The following SH3BP4 variants were observed in gnomAD, a reference collection of about 807,000 sequenced individuals.
SH3BP4 encodes SH3 domain binding protein 4, also known as SH3 domain-binding protein 4.
SH3BP4 carries 33 observed loss-of-function variants against 65.5 expected under a neutral mutation model. That is an observed-to-expected ratio of 0.50 (90% CI 0.38 to 0.67). The LOEUF (loss-of-function observed/expected upper bound fraction) is 0.67, where lower values mean the gene tolerates loss of function less well. Ranked by LOEUF, SH3BP4 falls within the 30% of genes least tolerant of loss-of-function variation. SH3BP4 has a pLI of 0.00. For missense variants in SH3BP4, 1,134 were observed against 1,261.4 expected (o/e 0.90, Z 1.53); for synonymous variants, 552 against 545.5 (o/e 1.01, Z -0.17).
At chr2:234,972,135 T>TG (rs1693020428) in intron 1 of SH3BP4, among the ~76,000 whole-genome samples, 1 of 131,836 alleles carries the variant, frequency 7.6e-6, no homozygotes, top group Non-Finnish European at 1.5e-5. Flanking sequence ...TTGTTTTTTG[T>TG]TTTTTTTTTG....
At chr2:235,027,287 C>T in intron 2 of SH3BP4, among the ~76,000 whole-genome samples, 1 of 152,206 alleles carries the variant, frequency 6.6e-6, no homozygotes, top group Admixed American at 6.5e-5. Context: ...GGTGTTAACC[C>T]CGTGGTCTCC....
chr2:234,964,813 C>A (rs955189984), intron 1 of SH3BP4, among the ~76,000 whole-genome samples: 1 of 152,104 alleles, frequency 6.6e-6, no homozygotes, highest in African/African-American at 2.4e-5. Flanking sequence ...CAAGAAGACG[C>A]GATTAGACGT....
intron 2 of SH3BP4, among the ~76,000 whole-genome samples, chr2:235,031,323 T>G (rs1051767828): frequency 6.6e-6 from 1 of 152,054 alleles, no homozygotes; most frequent in Non-Finnish European, 1.5e-5. Flanking sequence ...TTCAGGGGAG[T>G]GGCCATACCC....
Position 234,974,173 on chromosome 2 carries a change from C to T in SH3BP4, c.-206-21130C>T, listed in dbSNP as rs544562338. ...CTGAGGTCAGGAGTTCGAGACCAGC[C>T]TGGCCAACGTGGTGAAGCCCCATCT... On this transcript the variant is annotated intron_variant, in intron 1 of 5. Coordinates refer to ENST00000392011, the MANE Select transcript of SH3BP4 (RefSeq NM_014521.3). The surrounding 1 kb of genome is among the most constrained non-coding windows in gnomAD (Gnocchi z 4.6). Among the ~76,000 whole-genome samples the T allele has an allele frequency of 2.6e-5, 4 of 152,156 alleles. 1 individual carries two copies. Among genetic ancestry groups the T allele is most frequent in the Admixed American group, 1.3e-4 (2 of 15,296 alleles).
At chr2:234,957,933 A>T (rs1007643893) in intron 1 of SH3BP4, among the ~76,000 whole-genome samples, 8 of 152,128 alleles carry the variant, frequency 5.3e-5, no homozygotes, top group Admixed American at 2.6e-4. Context: ...GGCGGAGCCC[A>T]TCTTCCCCCC....
intron 1 of SH3BP4, among the ~76,000 whole-genome samples, chr2:234,960,084 T>C (rs1692672234): frequency 6.6e-6 from 1 of 152,266 alleles, no homozygotes; most frequent in East Asian, 1.9e-4. Flanking sequence ...TATTTGTATG[T>C]GTCCTGTGCA....
intron 2 of SH3BP4, among the ~76,000 whole-genome samples, chr2:235,004,710 A>G (rs1057078741): frequency 6.6e-6 from 1 of 152,140 alleles, no homozygotes. Context: ...TCAAAATCCC[A>G]TTCCTTTTTA....
chr2:235,017,165 G>A (rs780926454), intron 2 of SH3BP4, among the ~76,000 whole-genome samples: 31 of 144,324 alleles, frequency 2.1e-4, no homozygotes, highest in Admixed American at 8.9e-4. Context: ...CACATTTCTC[G>A]TATTTTAAAA....
chr2:235,029,218 C>T (rs532376759), intron 2 of SH3BP4, among the ~76,000 whole-genome samples: 2 of 152,122 alleles, frequency 1.3e-5, no homozygotes, highest in East Asian at 1.9e-4. Flanking sequence ...GAGAGAGGGA[C>T]GGGGCAGGGA....
chr2:234,963,187 T>C (rs1247105768), intron 1 of SH3BP4, among the ~76,000 whole-genome samples: 2 of 152,232 alleles, frequency 1.3e-5, no homozygotes, highest in Non-Finnish European at 2.9e-5. Context: ...TTAATAAGTG[T>C]TTGTGAATAG....
Position 234,971,234 on chromosome 2 carries a change from G to A in SH3BP4, c.-207+19064G>A, listed in dbSNP as rs112928604. Among the ~76,000 whole-genome samples, 697 of 152,276 alleles carry A rather than the reference G, an allele frequency of 4.6e-3. 8 individuals carry two copies. Among genetic ancestry groups the A allele is most frequent in the African/African-American group, 0.016 (667 of 41,546 alleles). On this transcript the variant is annotated intron_variant, in intron 1 of 5. Transcript: ENST00000392011. ...AATTTGATTACTACAGGTACCTCACGTAGGTGGAATCATACAATATTTGTC... is the reference window on the plus strand; with the variant it reads ...AATTTGATTACTACAGGTACCTCACATAGGTGGAATCATACAATATTTGTC...
intron 1 of SH3BP4, among the ~76,000 whole-genome samples, chr2:234,992,518 G>C (rs187420839): frequency 6.6e-6 from 1 of 151,494 alleles, no homozygotes; most frequent in Non-Finnish European, 1.5e-5. Flanking sequence ...CATTCCTGCT[G>C]TGTGGCTCTA....
intron 3 of SH3BP4, among the ~76,000 whole-genome samples, chr2:235,036,038 G>A (rs576975229): frequency 5.1e-4 from 77 of 152,364 alleles, no homozygotes; most frequent in African/African-American, 1.8e-3. Context: ...TCAGTGCTAA[G>A]TAAATGTTTC....
At chr2:235,050,850 G>A (rs1696027527) in intron 4 of SH3BP4, among the ~76,000 whole-genome samples, 1 of 152,120 alleles carries the variant, frequency 6.6e-6, no homozygotes, top group African/African-American at 2.4e-5. Flanking sequence ...GGGGTGGGGG[G>A]TTGTTTGTTT....
Position 234,978,294 on chromosome 2 carries a change from A to G in SH3BP4, c.-206-17009A>G, listed in dbSNP as rs888137091. On this transcript the variant is annotated intron_variant, in intron 1 of 5. Transcript: ENST00000392011. This position sits in a 1 kb window ranked among gnomAD's most constrained non-coding sequence, Gnocchi z 4.1. Reference sequence around the variant, plus strand: ...TGGCATTTCCTCACTGCACCTGGAGAAGAGCTTCATTCATTAATTCATCCA... The same window carrying G: ...TGGCATTTCCTCACTGCACCTGGAGGAGAGCTTCATTCATTAATTCATCCA... Among the ~76,000 whole-genome samples, 1 of 152,168 alleles carries G rather than the reference A, an allele frequency of 6.6e-6. No homozygotes were observed. The highest frequency in any genetic ancestry group is 1.5e-5 in the Non-Finnish European group (1 of 68,030).
Position 235,040,978 on chromosome 2 carries a change from A to G in SH3BP4, c.209A>G (p.Asn70Ser), listed in dbSNP as rs749875493. The change falls in exon 4 of 6, where the codon AAC (asparagine) becomes AGC (serine). Residue 70 changes from asparagine (N) to serine (S), a missense_variant. Asn to Ser is a conservative substitution (Grantham distance 46, BLOSUM62 1). Coordinates refer to ENST00000392011, the MANE Select transcript of SH3BP4 (RefSeq NM_014521.3). ...VIAIKDYCPT[N>S]FTTLKFSKGD... ...GCGATCAAGGACTATTGCCCCACCA[A>G]CTTCACCACACTGAAGTTCTCCAAG... is the stretch of plus-strand genomic sequence containing the variant. 2 of 1,614,012 alleles carry G rather than the reference A, an allele frequency of 1.2e-6. No homozygotes were observed. The highest frequency in any genetic ancestry group is 2.2e-5 in the South Asian group (2 of 91,060).
chr2:234,974,608 G>A lies in SH3BP4; in HGVS notation c.-206-20695G>A, dbSNP rs1039656004. On this transcript the variant is annotated intron_variant, in intron 1 of 5. Transcript: ENST00000392011. This position sits in a 1 kb window ranked among gnomAD's most constrained non-coding sequence, Gnocchi z 4.6. ...TTTCTTGCCTTAGTGTTAGGCTGGC[G>A]CGGGCCTTCTGGTGCTCAGGGCCCC... Among the ~76,000 whole-genome samples, 11 of 152,184 alleles carry A rather than the reference G, an allele frequency of 7.2e-5. No individual in the cohort carries two copies. Among genetic ancestry groups the A allele is most frequent in the South Asian group, 2.1e-4 (1 of 4,834 alleles).
At position 235,038,372 on chromosome 2, in the gene SH3BP4, TATAC is replaced by T. The variant is rs1559254585; in HGVS notation, c.119-2512_119-2509del. On this transcript the variant is annotated intron_variant, in intron 3 of 5. Transcript: ENST00000392011. ...ATTTTATATATATATATATAATATA[TATAC>T]ATATATATATATATATATATATATA... Among the ~76,000 whole-genome samples the T allele has an allele frequency of 6.9e-4, 32 of 46,602 alleles. 1 individual carries two copies. Among genetic ancestry groups the T allele is most frequent in the African/African-American group, 2.7e-3 (19 of 7,024 alleles). The allele number at this position is 46,602 out of a possible 152,430, so 30.6% of individuals were successfully genotyped here. A position where few individuals can be genotyped will look rare whatever the true frequency, so the allele number is the denominator to read the frequency against.
At position 234,974,331 on chromosome 2, in the gene SH3BP4, C is replaced by G. The variant is rs1197848612; in HGVS notation, c.-206-20972C>G. ...AGTGAGCCAAGATCGCACTATTGCA[C>G]TCCAGCCTGGGCAAAGAGCGAAACT... On this transcript the variant is annotated intron_variant, in intron 1 of 5. Coordinates refer to ENST00000392011, the MANE Select transcript of SH3BP4 (RefSeq NM_014521.3). This position sits in a 1 kb window ranked among gnomAD's most constrained non-coding sequence, Gnocchi z 4.6. Among the ~76,000 whole-genome samples, 1 of 152,090 alleles carries G rather than the reference C, an allele frequency of 6.6e-6. No homozygotes were observed. The highest frequency in any genetic ancestry group is 6.5e-5 in the Admixed American group (1 of 15,270).
Sources: gnomAD v4.1 joint callset for allele counts (sites outside exome capture counted in the v4.1 genomes callset) on GRCh38, gnomAD v4.1.1 for gene constraint, Gnocchi (gnomAD v3.1) non-coding constraint, MANE v1.5 for transcripts, NCBI Gene and HGNC (gene_info 2026-07-23, HGNC 2026-07-21) for gene names.